OLA1: variants seen among roughly 807,000 people sequenced by gnomAD.
OLA1 encodes obg-like ATPase 1.
OLA1 carries 14 observed loss-of-function variants against 48.4 expected under a neutral mutation model. The observed-to-expected ratio is 0.29, with a 90% confidence interval of 0.19 to 0.45. The LOEUF (loss-of-function observed/expected upper bound fraction) is 0.45. OLA1 is among the 20% of genes least tolerant of loss of function. The pLI, the probability that OLA1 is intolerant of heterozygous loss-of-function variation, is 1.00. For synonymous variants in OLA1, 127 were observed against 150.4 expected (o/e 0.84, Z 1.14); for missense variants, 325 against 467.1 (o/e 0.70, Z 2.80).
intron 5 of OLA1, among the ~76,000 whole-genome samples, chr2:174,128,878 C>T (rs994151161): frequency 1.3e-5 from 2 of 152,130 alleles, no homozygotes; most frequent in Non-Finnish European, 2.9e-5. Context: ...TGTACATTTG[C>T]ATGGGAAAAT....
At chr2:174,201,528 T>C (rs1687989483) in intron 4 of OLA1, among the ~76,000 whole-genome samples, 3 of 152,058 alleles carry the variant, frequency 2.0e-5, no homozygotes, top group African/African-American at 7.3e-5. Context: ...TTTTTTATTG[T>C]TTAGTAGAGA....
chr2:174,234,721 C>T (rs936690605), intron 2 of OLA1, among the ~76,000 whole-genome samples: 1 of 151,974 alleles, frequency 6.6e-6, no homozygotes, highest in African/African-American at 2.4e-5. Context: ...GCTTCAGCCT[C>T]GTAAAGTGCT....
At chr2:174,102,988 T>C (rs966726843) in intron 7 of OLA1, among the ~76,000 whole-genome samples, 1 of 152,174 alleles carries the variant, frequency 6.6e-6, no homozygotes, top group Non-Finnish European at 1.5e-5. Context: ...TATGCCACTT[T>C]CAAGGAAGAA....
chr2:174,197,964 G>GTTTGT (rs1278219109), intron 4 of OLA1, among the ~76,000 whole-genome samples: 1 of 152,124 alleles, frequency 6.6e-6, no homozygotes, highest in Admixed American at 6.5e-5. Flanking sequence ...TGCAATAAAG[G>GTTTGT]TTTGTTTTGT....
At position 174,239,346 on chromosome 2, in the gene OLA1, T is replaced by A. The variant is rs559317329; in HGVS notation, c.101+7369A>T. Among the ~76,000 whole-genome samples, 401 of 152,296 alleles carry A rather than the reference T, an allele frequency of 2.6e-3. 2 individuals are homozygous for A. Among genetic ancestry groups the A allele is most frequent in the African/African-American group, 8.9e-3 (371 of 41,560 alleles). Reference sequence around the variant, plus strand: ...GATACCAACGAGCAATCAAAGTTAATATCACCAAAAATGGACAAATCAACA... The same window carrying A: ...GATACCAACGAGCAATCAAAGTTAAAATCACCAAAAATGGACAAATCAACA... On this transcript the variant is annotated intron_variant, in intron 2 of 10. Coordinates refer to ENST00000284719, the MANE Select transcript of OLA1 (RefSeq NM_013341.5).
chr2:174,215,742 A>T (rs918272866), intron 4 of OLA1, among the ~76,000 whole-genome samples: 2 of 152,218 alleles, frequency 1.3e-5, no homozygotes, highest in South Asian at 2.1e-4. Context: ...TAAATAAACT[A>T]AAAATGCCAT....
At chr2:174,198,055 T>A (rs547677658) in intron 4 of OLA1, among the ~76,000 whole-genome samples, 1 of 152,270 alleles carries the variant, frequency 6.6e-6, no homozygotes, top group South Asian at 2.1e-4. Flanking sequence ...TCTCTGCCTC[T>A]CAGGTTCAAG....
chr2:174,095,526 C>T (rs12476833), intron 7 of OLA1, among the ~76,000 whole-genome samples: 64,246 of 151,458 alleles, frequency 0.42, 14,338 homozygotes, highest in East Asian at 0.92. Context: ...TTGTTTTTAA[C>T]TGGATGGGTT....
chr2:174,139,915 T>A (rs1686404253), intron 5 of OLA1, among the ~76,000 whole-genome samples: 5 of 150,780 alleles, frequency 3.3e-5, no homozygotes, highest in Admixed American at 3.3e-4. Flanking sequence ...GTATATCTTA[T>A]GTCAGAGTAT....
At chr2:174,115,154 T>C (rs557297932) in intron 7 of OLA1, among the ~76,000 whole-genome samples, 1 of 152,138 alleles carries the variant, frequency 6.6e-6, no homozygotes, top group Non-Finnish European at 1.5e-5. Flanking sequence ...AATGTAATAG[T>C]GTAATGAGGG....
intron 4 of OLA1, chr2:174,217,776 C>T (rs1045618515): frequency 5.3e-5 from 8 of 152,018 alleles, no homozygotes; most frequent in Non-Finnish European, 7.4e-5. Flanking sequence ...TCATAGTATA[C>T]GCTCTTTTTT....
At position 174,123,236 on chromosome 2, in the gene OLA1, T is replaced by C. The variant is rs1430377028; in HGVS notation, c.672A>G (p.Pro224=). ...LNKHLFLTSK[P]MVYLVNLSEK... is the part of the protein sequence containing the mutation. The stretch of plus-strand genomic sequence containing the variant: ...CAGAAAGATTAACCAAGTAGACCAT[T>C]GGTTTTGAAGTCAAAAATAAGTGTT... Residue 224 remains proline (P), a synonymous_variant, in exon 7 of 11, where the codon CCA becomes CCG. Transcript: ENST00000284719. The C allele has an allele frequency of 6.4e-7, 1 of 1,572,632 alleles. No homozygotes were observed.
At chr2:174,126,187 C>G (rs528081334) in intron 5 of OLA1, among the ~76,000 whole-genome samples, 40 of 151,904 alleles carry the variant, frequency 2.6e-4, no homozygotes, top group Non-Finnish European at 4.3e-4. Flanking sequence ...AACTTCTAAA[C>G]AGATGAAAGA....
intron 8 of OLA1, among the ~76,000 whole-genome samples, chr2:174,081,665 T>C (rs1684856720): frequency 6.6e-6 from 1 of 152,098 alleles, no homozygotes; most frequent in Admixed American, 6.6e-5. Flanking sequence ...CGAAAGAGTT[T>C]TGGCGATCAT....
In OLA1 at chr2:174,247,556, G is replaced by T. The variant is rs1300717620; in HGVS notation, c.1-741C>A. ...GAAGACAGTCAAAGAAAATTCCATT[G>T]TGGAACCACCAGCAGCCAAGTCACC... On this transcript the variant is annotated intron_variant, in intron 1 of 10. Transcript: ENST00000284719. 4.1e-6 allele frequency: 6 copies of T among 1,477,964 alleles called. No individual in the cohort carries two copies. In the African/African-American group the frequency reaches 8.5e-5, roughly 21 times the overall value. The allele number at this position is 1,477,964 out of a possible 1,614,324, so 91.6% of individuals were successfully genotyped here.
chr2:174,142,172 T>C (rs377704252), intron 4 of OLA1, among the ~76,000 whole-genome samples, 172 bp from the exon 5 acceptor site: 59 of 152,340 alleles, frequency 3.9e-4, no homozygotes, highest in African/African-American at 1.3e-3. Flanking sequence ...CTGAGGCTAC[T>C]GGCAATAAAA....
intron 7 of OLA1, among the ~76,000 whole-genome samples, chr2:174,101,032 G>C (rs993627132): frequency 6.6e-6 from 1 of 152,174 alleles, no homozygotes; most frequent in Admixed American, 6.5e-5. Context: ...TTTCTTTTGA[G>C]TAAATACTGA....
chr2:174,083,508 C>G (rs1684903118), intron 7 of OLA1, among the ~76,000 whole-genome samples: 1 of 151,782 alleles, frequency 6.6e-6, no homozygotes, highest in African/African-American at 2.4e-5. Flanking sequence ...AAAAAATGGA[C>G]CAAGTCCTAT....
chr2:174,088,979 T>C (rs1273001337), intron 7 of OLA1, among the ~76,000 whole-genome samples: 1 of 152,088 alleles, frequency 6.6e-6, no homozygotes, highest in Non-Finnish European at 1.5e-5. Flanking sequence ...CTTCACGGAG[T>C]TGTACAGAAT....
Sources: gnomAD v4.1 joint callset for allele counts (sites outside exome capture counted in the v4.1 genomes callset) on GRCh38, gnomAD v4.1.1 for gene constraint, MANE v1.5 for transcripts, NCBI Gene and HGNC (gene_info 2026-07-23, HGNC 2026-07-21) for gene names.